The following TOX variants were observed in gnomAD, a reference collection of about 807,000 sequenced individuals.
TOX encodes thymocyte selection associated high mobility group box.
TOX carries 11 observed loss-of-function variants against 53.7 expected under a neutral mutation model. That is an observed-to-expected ratio of 0.20 (90% CI 0.13 to 0.34). TOX has a LOEUF of 0.34. Ranked by LOEUF, TOX falls within the 10% of genes least tolerant of loss-of-function variation. The probability of loss-of-function intolerance (pLI) is 1.00; values close to 1 mark genes in which losing one functional copy is unlikely to be tolerated. For missense variants in TOX, 570 were observed against 664.6 expected, an observed-to-expected ratio of 0.86 and a Z score of 1.56; for synonymous variants, 225 against 245.3, an observed-to-expected ratio of 0.92 and a Z score of 0.77.
intron 1 of TOX, among the ~76,000 whole-genome samples, chr8:58,983,899 T>C (rs1813273236): frequency 6.6e-6 from 1 of 152,214 alleles, no homozygotes. Context: ...GTTGAAAAGC[T>C]CCCTTCACTG....
At chr8:59,004,396 T>C (rs984255976) in intron 1 of TOX, among the ~76,000 whole-genome samples, 1 of 152,216 alleles carries the variant, frequency 6.6e-6, no homozygotes, top group African/African-American at 2.4e-5. Flanking sequence ...CTTTTAGTAA[T>C]AGCCACAACA....
At chr8:58,866,955 T>A (rs1016665691) in intron 3 of TOX, among the ~76,000 whole-genome samples, 14 of 152,140 alleles carry the variant, frequency 9.2e-5, no homozygotes, top group Non-Finnish European at 1.6e-4. Flanking sequence ...ACAACTCCAA[T>A]AAATAGGAAA....
chr8:58,921,388 A>AG (rs1812072908), intron 3 of TOX, among the ~76,000 whole-genome samples: 1 of 152,202 alleles, frequency 6.6e-6, no homozygotes, highest in Admixed American at 6.5e-5. Flanking sequence ...AATGTCAAAA[A>AG]CAGTTCTTTA....
chr8:58,923,090 A>ATT (rs71557742), intron 3 of TOX, among the ~76,000 whole-genome samples: 1 of 151,536 alleles, frequency 6.6e-6, no homozygotes, highest in Non-Finnish European at 1.5e-5. Context: ...GAAGAAACGG[A>ATT]TTTTTTTTTC....
At chr8:59,083,476 T>C (rs1804448763) in intron 1 of TOX, among the ~76,000 whole-genome samples, 1 of 152,198 alleles carries the variant, frequency 6.6e-6, no homozygotes, top group Non-Finnish European at 1.5e-5. Context: ...CCTCATCATT[T>C]CAATTTTAAA....
chr8:58,962,694 T>C (rs1812821580), intron 1 of TOX, among the ~76,000 whole-genome samples: 1 of 152,186 alleles, frequency 6.6e-6, no homozygotes, highest in South Asian at 2.1e-4. Flanking sequence ...TGGTCCCAGC[T>C]ACTTGGGAGG....
At chr8:58,911,994 GC>G (rs1811917535) in intron 3 of TOX, among the ~76,000 whole-genome samples, 2 of 152,216 alleles carry the variant, frequency 1.3e-5, no homozygotes, top group Non-Finnish European at 1.5e-5. Context: ...GAGCCACCGT[GC>G]CCGGCCCAAA....
At chr8:59,008,584 TCCCC>T (rs11352201) in intron 1 of TOX, among the ~76,000 whole-genome samples, 2 of 152,108 alleles carry the variant, frequency 1.3e-5, no homozygotes. Flanking sequence ...GAAGCTCACC[TCCCC>T]CCCATGACTC....
chr8:59,029,291 CT>C (rs1814308452), intron 1 of TOX, among the ~76,000 whole-genome samples: 1 of 149,228 alleles, frequency 6.7e-6, no homozygotes, highest in African/African-American at 2.5e-5. Context: ...TAATTAACAG[CT>C]CTTGACTGGA....
At chr8:59,041,323 G>A (rs1251187245) in intron 1 of TOX, among the ~76,000 whole-genome samples, 2 of 151,962 alleles carry the variant, frequency 1.3e-5, no homozygotes, top group Non-Finnish European at 2.9e-5. Context: ...CCCCCATCCT[G>A]AGCCTCACTC....
At chr8:59,072,011 C>A (rs1004364897) in intron 1 of TOX, among the ~76,000 whole-genome samples, 2 of 152,124 alleles carry the variant, frequency 1.3e-5, no homozygotes, top group African/African-American at 4.8e-5. Flanking sequence ...AAGAGATCAT[C>A]TTTTAAGTTT....
At chr8:58,974,305 T>G (rs936348984) in intron 1 of TOX, among the ~76,000 whole-genome samples, 2 of 152,162 alleles carry the variant, frequency 1.3e-5, no homozygotes, top group African/African-American at 4.8e-5. Context: ...AGTGCTGCTG[T>G]TGAGAAACCC....
intron 1 of TOX, among the ~76,000 whole-genome samples, chr8:59,021,481 A>AAAAAAAATATATAT (rs59174995): frequency 2.6e-4 from 17 of 64,734 alleles, no homozygotes; most frequent in Non-Finnish European, 4.7e-4. Context: ...AAAAAAAAAA[A>AAAAAAAATATATAT]ATATATATAT....
At chr8:58,906,243 A>G (rs547443597) in intron 3 of TOX, among the ~76,000 whole-genome samples, 1 of 152,314 alleles carries the variant, frequency 6.6e-6, no homozygotes, top group East Asian at 1.9e-4. Flanking sequence ...GAATGTGCAA[A>G]AACAGTATCT....
chr8:58,984,567 C>A (rs1019150977), intron 1 of TOX, among the ~76,000 whole-genome samples: 2 of 151,810 alleles, frequency 1.3e-5, no homozygotes, highest in African/African-American at 2.4e-5. Context: ...CCGAGGCGGG[C>A]AGATCACAAG....
intron 3 of TOX, among the ~76,000 whole-genome samples, chr8:58,930,737 T>A (rs1448006997): frequency 1.3e-5 from 2 of 152,168 alleles, no homozygotes; most frequent in African/African-American, 4.8e-5. Flanking sequence ...AGAACAGGCC[T>A]GTTTTCATTT....
intron 1 of TOX, among the ~76,000 whole-genome samples, chr8:59,062,561 C>T (rs972790537): frequency 3.3e-5 from 5 of 152,172 alleles, no homozygotes; most frequent in African/African-American, 1.2e-4. Context: ...AATAGAATGG[C>T]TCTTTCGGAT....
At chr8:58,987,077 T>A (rs1813344276) in intron 1 of TOX, among the ~76,000 whole-genome samples, 1 of 152,224 alleles carries the variant, frequency 6.6e-6, no homozygotes, top group African/African-American at 2.4e-5. Context: ...CAGGCTGCAG[T>A]CCAGAAGAGA....
At chr8:58,818,006 A>G (rs1810209669) in intron 6 of TOX, among the ~76,000 whole-genome samples, 1 of 152,230 alleles carries the variant, frequency 6.6e-6, no homozygotes, top group Non-Finnish European at 1.5e-5. Context: ...TATGTGGTCC[A>G]TCATATAGAG....
Sources: gnomAD v4.1 joint callset for allele counts (sites outside exome capture counted in the v4.1 genomes callset) on GRCh38, gnomAD v4.1.1 for gene constraint, MANE v1.5 for transcripts, NCBI Gene and HGNC (gene_info 2026-07-23, HGNC 2026-07-21) for gene names.